Variants in ZPBP observed in about 807,000 individuals in gnomAD.
The protein encoded by ZPBP is zona pellucida binding protein, also known as zona pellucida-binding protein 1.
ZPBP carries 26 observed loss-of-function variants against 44.8 expected under a neutral mutation model. The ratio of observed to expected loss-of-function variants is 0.58; its 90% confidence interval spans 0.43 to 0.81. ZPBP has a LOEUF of 0.81. Among genes scored for constraint, ZPBP ranks in the 30% least tolerant of loss-of-function variants. The pLI, the probability that ZPBP is intolerant of heterozygous loss-of-function variation, is 0.00. For missense variants in ZPBP, 409 were observed against 434.0 expected, an observed-to-expected ratio of 0.94 and a Z score of 0.51; for synonymous variants, 174 against 153.2, an observed-to-expected ratio of 1.14 and a Z score of -1.00.
chr7:50,027,871 G>C (rs1204413427), intron 5 of ZPBP, among the ~76,000 whole-genome samples: 1 of 151,834 alleles, frequency 6.6e-6, no homozygotes, highest in East Asian at 1.9e-4. Flanking sequence ...AGAATAAACA[G>C]AAAATATGAA....
chr7:49,925,107 A>G (rs1794183964), intron 1 of ZPBP, among the ~76,000 whole-genome samples: 2 of 152,220 alleles, frequency 1.3e-5, no homozygotes, highest in South Asian at 4.2e-4. Context: ...GTTTGGTAGT[A>G]TCTGGTCCAT....
At chr7:49,930,794 A>G (rs1281353600) in intron 1 of ZPBP, among the ~76,000 whole-genome samples, 1 of 152,270 alleles carries the variant, frequency 6.6e-6, no homozygotes, top group Non-Finnish European at 1.5e-5. Context: ...CTGTAATGCA[A>G]CATATAATAG....
At position 49,867,605 on chromosome 7, in the gene ZPBP, G is replaced by A. The variant is rs544582246; in HGVS notation, n.510-17091C>T. ...GACACAGGTGCTGTGTGGTGCTGGA[G>A]GCACAGGAGACATCTGAGGCATTCA... On this transcript the variant is annotated intron_variant and non_coding_transcript_variant, in intron 2 of 2. Coordinates refer to the ZPBP transcript ENST00000465922. 1.2e-4 allele frequency among the ~76,000 whole-genome samples: 18 copies of A among 152,326 alleles called. No individual in the cohort carries two copies. In the South Asian group the frequency reaches 3.5e-3, roughly 30 times the overall value.
At chr7:49,848,490 T>C (rs1046676692), downstream of ZPBP, among the ~76,000 whole-genome samples, 20 of 152,190 alleles carry the variant, frequency 1.3e-4, no homozygotes, top group African/African-American at 4.8e-4. Context: ...CTGTGGGCCA[T>C]AGGAACTGTT....
In ZPBP at chr7:50,081,811, T is replaced by A. The variant is rs1031283199; in HGVS notation, c.297A>T (p.Ser99=). ...QLRNAELIDP[S]FQWYGPKGKV... ...TTCCTTTAGGCCCATACCATTGGAA[T>A]GATGGGTCTATCAGTTCAGCATTTC... Residue 99 remains serine (S), a synonymous_variant, in exon 3 of 8, where the codon TCA becomes TCT. Transcript: ENST00000046087. The A allele has an allele frequency of 4.3e-6, 7 of 1,611,608 alleles. No individual in the cohort carries two copies. The Admixed American group carries it at 8.4e-5, about 19-fold the overall frequency.
intron 2 of ZPBP, among the ~76,000 whole-genome samples, chr7:49,872,889 C>A (rs1315234122): frequency 9.5e-6 from 1 of 105,186 alleles, no homozygotes; most frequent in Non-Finnish European, 1.8e-5. Context: ...GCACTCCAGC[C>A]TGGGAGACAG....
At chr7:50,014,361 G>C (rs185152910) in intron 6 of ZPBP, among the ~76,000 whole-genome samples, 148 of 151,894 alleles carry the variant, frequency 9.7e-4, no homozygotes, top group Non-Finnish European at 2.9e-4. Context: ...AATGAAGAAA[G>C]TATGGCACTA....
chr7:49,988,496 G>T (rs551921499), intron 6 of ZPBP, among the ~76,000 whole-genome samples: 1 of 152,110 alleles, frequency 6.6e-6, no homozygotes, highest in Non-Finnish European at 1.5e-5. Flanking sequence ...TTCCAAAATT[G>T]TATGGGATTT....
chr7:49,969,640 A>G (rs1796205005), intron 7 of ZPBP, among the ~76,000 whole-genome samples: 1 of 151,944 alleles, frequency 6.6e-6, no homozygotes, highest in Admixed American at 6.6e-5. Context: ...AAAGTATGAG[A>G]AAAGAAGGTT....
intron 3 of ZPBP, among the ~76,000 whole-genome samples, chr7:50,059,961 C>A (rs1801163693): frequency 6.6e-6 from 1 of 151,864 alleles, no homozygotes; most frequent in South Asian, 2.1e-4. Flanking sequence ...CTGAGCAGAT[C>A]TTCAGAAGGA....
At chr7:49,889,962 A>C (rs1233423269) in intron 2 of ZPBP, among the ~76,000 whole-genome samples, 4 of 152,178 alleles carry the variant, frequency 2.6e-5, no homozygotes, top group Admixed American at 1.3e-4. Context: ...TCTCAATTTT[A>C]ATCTTGTGAT....
intron 2 of ZPBP, among the ~76,000 whole-genome samples, chr7:49,866,202 G>A (rs1790884580): frequency 1.3e-5 from 2 of 152,146 alleles, no homozygotes; most frequent in South Asian, 4.1e-4. Context: ...ATCAGACCCA[G>A]CTGGGAGAAC....
intron 3 of ZPBP, among the ~76,000 whole-genome samples, chr7:50,063,337 G>C (rs142524278): frequency 3.3e-3 from 508 of 152,112 alleles, no homozygotes; most frequent in African/African-American, 0.011. Flanking sequence ...CCCCCATTTG[G>C]TGCTTTTTAT....
intron 4 of ZPBP, among the ~76,000 whole-genome samples, chr7:50,049,629 C>A (rs1800583316): frequency 3.3e-5 from 5 of 151,886 alleles, no homozygotes; most frequent in Admixed American, 3.3e-4. Context: ...TAAAAACAAT[C>A]CTCAAATATA....
chr7:49,877,346 C>T (rs1356805948), intron 2 of ZPBP, among the ~76,000 whole-genome samples: 1 of 147,700 alleles, frequency 6.8e-6, no homozygotes, highest in Non-Finnish European at 1.5e-5. Flanking sequence ...CCTGTAATCC[C>T]AGCTACTTGG....
At chr7:50,016,597 C>G (rs1374082168) in intron 6 of ZPBP, among the ~76,000 whole-genome samples, 1 of 152,124 alleles carries the variant, frequency 6.6e-6, no homozygotes, top group East Asian at 1.9e-4. Context: ...AAACAATTAT[C>G]ACCTTGAGCC....
At chr7:49,985,641 CAAAAAA>C (rs199820024) in intron 6 of ZPBP, among the ~76,000 whole-genome samples, 61 of 120,804 alleles carry the variant, frequency 5.0e-4, no homozygotes, top group African/African-American at 1.5e-3. Context: ...ATACCCCATG[CAAAAAA>C]AAAAAAAAAA....
rs566185101 is a variant in ZPBP at position 49,951,570 on chromosome 7, G to A, written c.962-13948C>T. Among the ~76,000 whole-genome samples, 325 of 148,092 alleles carry A rather than the reference G, an allele frequency of 2.2e-3. 1 individual carries two copies. Among genetic ancestry groups the A allele is most frequent in the South Asian group, 7.6e-3 (36 of 4,734 alleles). On this transcript the variant is annotated intron_variant, in intron 7 of 7. Coordinates refer to ENST00000046087, the MANE Select transcript of ZPBP (RefSeq NM_007009.3). Reference sequence around the variant, plus strand: ...TTTTTTTTTTTTAAAAAGGAAAATAGCAAGTGTTGGCCAGGATGTGAAGAA... The same window carrying A: ...TTTTTTTTTTTTAAAAAGGAAAATAACAAGTGTTGGCCAGGATGTGAAGAA...
chr7:50,008,307 A>G (rs1798407396), intron 6 of ZPBP, among the ~76,000 whole-genome samples: 1 of 152,112 alleles, frequency 6.6e-6, no homozygotes, highest in Admixed American at 6.6e-5. Context: ...CACTTAGTTA[A>G]AAAATTTAAC....
Sources: allele counts gnomAD v4.1 joint callset (sites outside exome capture counted in the v4.1 genomes callset), GRCh38; gene constraint gnomAD v4.1.1; transcripts MANE v1.5; gene names NCBI Gene and HGNC (gene_info 2026-07-23, HGNC 2026-07-21).